Variants in IKBKB observed in about 807,000 individuals in gnomAD.
IKBKB encodes inhibitor of nuclear factor kappa B kinase subunit beta, also known as inhibitor of nuclear factor kappa-B kinase subunit beta.
A neutral mutation model predicts 113.6 loss-of-function variants in IKBKB; 42 were observed. The ratio of observed to expected loss-of-function variants is 0.37; its 90% CI spans 0.29 to 0.48. IKBKB has a LOEUF of 0.48. Among genes scored for constraint, IKBKB ranks in the 20% least tolerant of loss-of-function variants. IKBKB has a pLI of 0.99. For synonymous variants in IKBKB, 296 were observed against 361.3 expected (o/e 0.82, Z 2.05); for missense variants, 673 against 939.7 (o/e 0.72, Z 3.71).
Position 42,288,729 on chromosome 8 carries a change from G to T in IKBKB, c.200+1G>T, listed in dbSNP as rs964018046. 6.2e-7 allele frequency: 1 copy of T among 1,607,690 alleles called. No individual in the cohort carries two copies. Among genetic ancestry groups the T allele is most frequent in the African/African-American group, 1.3e-5 (1 of 74,720 alleles). On this transcript the variant is annotated splice_donor_variant, in intron 3 of 21. Transcript: ENST00000520810. LOFTEE classifies it high-confidence loss of function. ...GCCTGGAGATCCAGATCATGAGAAG[G>T]TGAGGGCCTCGCGCATAGGGACCCA...
chr8:42,309,105 C>T, intron 8 of IKBKB, 80 bp downstream of exon 8: 1 of 1,453,496 alleles, frequency 6.9e-7, no homozygotes, highest in East Asian at 2.3e-5. Flanking sequence ...TCCCTGGCGC[C>T]CCATCACCGG....
chr8:42,272,369 C>T (rs1807964709), intron 2 of IKBKB, 164 bp downstream of exon 2: 3 of 834,904 alleles, frequency 3.6e-6, no homozygotes, highest in Non-Finnish European at 5.8e-6. Context: ...TCTGAGCTGA[C>T]TCCAGGTTAG....
chr8:42,303,261 TA>T, intron 5 of IKBKB, among the ~76,000 whole-genome samples: 1 of 152,326 alleles, frequency 6.6e-6, no homozygotes, highest in African/African-American at 2.4e-5. Flanking sequence ...TTTTAAGTTT[TA>T]AACAAGAAAC....
intron 2 of IKBKB, among the ~76,000 whole-genome samples, chr8:42,283,567 G>A (rs1026076601): frequency 7.9e-5 from 12 of 152,118 alleles, no homozygotes; most frequent in African/African-American, 2.7e-4. Context: ...AAGGGGCTAC[G>A]AGCTGAAGAA....
At chr8:42,329,330 CTTGT>C in intron 21 of IKBKB, 116 bp downstream of exon 21, 3 of 1,369,710 alleles carry the variant, frequency 2.2e-6, no homozygotes, top group Middle Eastern at 2.0e-4. Flanking sequence ...TGTTTGTTTG[CTTGT>C]TTATTTGTGA....
intron 1 of IKBKB, 187 bp from the exon 2 acceptor site, chr8:42,271,896 G>A (rs747838374): frequency 6.3e-6 from 4 of 636,008 alleles, no homozygotes; most frequent in Non-Finnish European, 1.0e-5. Context: ...GGGAGGGTGA[G>A]AGGGACAAAA....
In IKBKB at chr8:42,277,440, C is replaced by T. The variant is rs1809409206; in HGVS notation, c.105+5235C>T. ...TCAAGTGATCTGCCCACCTTGGCCTCCCAAAGTGTTGGGATTACAGGCATG... is the reference window on the plus strand; with the variant it reads ...TCAAGTGATCTGCCCACCTTGGCCTTCCAAAGTGTTGGGATTACAGGCATG... On this transcript the variant is annotated intron_variant, in intron 2 of 21. Transcript: ENST00000520810. Among the ~76,000 whole-genome samples, 3 of 152,118 alleles carry T rather than the reference C, an allele frequency of 2.0e-5. No homozygotes were observed. The South Asian group carries it at 6.2e-4, about 32-fold the overall frequency.
rs534630482 is a variant in IKBKB at position 42,300,499 on chromosome 8, C to T, written c.389-4688C>T. 4.1e-3 allele frequency among the ~76,000 whole-genome samples: 620 copies of T among 152,276 alleles called. 4 individuals carry two copies. The highest frequency in any genetic ancestry group is 0.014 in the African/African-American group (601 of 41,554). ...TGATAGATAGAGATTCATGGACCCA[C>T]CCTTATAAAACTGCTTTCTTCTCGG... is the stretch of plus-strand genomic sequence containing the variant. On this transcript the variant is annotated intron_variant, in intron 5 of 21. Coordinates refer to ENST00000520810, the MANE Select transcript of IKBKB (RefSeq NM_001556.3).
chr8:42,312,128 T>C (rs1162008433), intron 8 of IKBKB, among the ~76,000 whole-genome samples: 2 of 152,168 alleles, frequency 1.3e-5, no homozygotes, highest in African/African-American at 4.8e-5. Flanking sequence ...CCTCGTGAAC[T>C]GCCCGCCTCG....
At chr8:42,327,330 C>CTTTTTTT (rs397767670) in intron 20 of IKBKB, among the ~76,000 whole-genome samples, 2 of 105,422 alleles carry the variant, frequency 1.9e-5, no homozygotes, top group South Asian at 3.5e-4. Flanking sequence ...CTCTCTCTCT[C>CTTTTTTT]TTTTTTTTTT....
At position 42,314,436 on chromosome 8, in the gene IKBKB, C is replaced by CCGCTGTGCCTTACCTGTTA; in HGVS notation, c.800+7_800+8insCGCTGTGCCTTACCTGTTA. On this transcript the variant is annotated splice_region_variant and intron_variant, in intron 9 of 21. Coordinates refer to ENST00000520810, the MANE Select transcript of IKBKB (RefSeq NM_001556.3). ...ACCCCAATAATCTTAACAGGTAAGG[C>CCGCTGTGCCTTACCTGTTA]ACAGCGGCATTACACGAATACATAT... 1 of 1,525,234 alleles carries CCGCTGTGCCTTACCTGTTA rather than the reference C, an allele frequency of 6.6e-7. No homozygotes were observed. Among genetic ancestry groups the CCGCTGTGCCTTACCTGTTA allele is most frequent in the Non-Finnish European group, 9.1e-7 (1 of 1,099,218 alleles). 94.5% of individuals were successfully genotyped at this position (1,525,234 alleles called of 1,614,324 possible).
intron 8 of IKBKB, among the ~76,000 whole-genome samples, chr8:42,311,366 G>C (rs1817656425): frequency 6.6e-6 from 1 of 152,074 alleles, no homozygotes; most frequent in African/African-American, 2.4e-5. Context: ...TTTGAGGCCA[G>C]CCTGGCCAAC....
At position 42,316,849 on chromosome 8, in the gene IKBKB, C is replaced by T; in HGVS notation, c.1070C>T (p.Ala357Val). The T allele has an allele frequency of 1.9e-6, 3 of 1,614,100 alleles. No individual in the cohort carries two copies. Among genetic ancestry groups the T allele is most frequent in the Non-Finnish European group, 2.5e-6 (3 of 1,180,016 alleles). The change falls in exon 11 of 22, where the codon GCG becomes GTG. Residue 357 changes from alanine to valine, a missense_variant. This residue lies in a region of IKBKB where 506 missense variants were observed against 638.7 expected (regional missense o/e 0.79). Transcript: ENST00000520810. This position sits in a 1 kb window ranked among gnomAD's most constrained non-coding sequence, Gnocchi z 4.5. ...PEEDQELLQE[A>V]GLALIPDKPA... ...GAGGACCAGGAGCTGCTGCAGGAAG[C>T]GGGCCTGGCGTTGATCCCCGATAAG... is the stretch of plus-strand genomic sequence containing the variant.
intron 7 of IKBKB, among the ~76,000 whole-genome samples, chr8:42,307,197 G>A (rs1380009937): frequency 6.6e-6 from 1 of 152,188 alleles, no homozygotes; most frequent in African/African-American, 2.4e-5. Context: ...GAAAAGGGCT[G>A]GAGGTGGGGG....
intron 4 of IKBKB, among the ~76,000 whole-genome samples, chr8:42,290,559 C>T (rs546769922): frequency 1.3e-5 from 2 of 152,246 alleles, no homozygotes; most frequent in South Asian, 2.1e-4. Flanking sequence ...CAGGTCTGGG[C>T]GTGGGGAAGG....
At position 42,316,903 on chromosome 8, in the gene IKBKB, A is replaced by G. The variant is rs1585763391; in HGVS notation, c.1124A>G (p.Lys375Arg). Reference sequence around the variant, plus strand: ...GCCACTCAGTGTATTTCAGACGGCAAGGTGAGCCCTGGCTTCGTACACACC... The same window carrying G: ...GCCACTCAGTGTATTTCAGACGGCAGGGTGAGCCCTGGCTTCGTACACACC... Reference protein sequence around the residue: ...KPATQCISDGKLNEGHTLDMD... With the variant: ...KPATQCISDGRLNEGHTLDMD... The change falls in exon 11 of 22, where the codon AAG becomes AGG. Residue 375 changes from lysine to arginine, a missense_variant and splice_region_variant. Physicochemically the swap from Lys to Arg is conservative, Grantham distance 26 (BLOSUM62 2). Coordinates refer to ENST00000520810, the MANE Select transcript of IKBKB (RefSeq NM_001556.3). This position sits in a 1 kb window ranked among gnomAD's most constrained non-coding sequence, Gnocchi z 4.5. The G allele has an allele frequency of 6.2e-7, 1 of 1,614,000 alleles. No homozygotes were observed. Among genetic ancestry groups the G allele is most frequent in the Non-Finnish European group, 8.5e-7 (1 of 1,179,958 alleles).
At chr8:42,294,207 G>T (rs916925422) in intron 5 of IKBKB, among the ~76,000 whole-genome samples, 3 of 152,158 alleles carry the variant, frequency 2.0e-5, no homozygotes, top group Non-Finnish European at 4.4e-5. Flanking sequence ...GATAGTTGGG[G>T]TCTAAGGTTT....
chr8:42,272,113 C>A lies in IKBKB; in HGVS notation c.13C>A (p.Pro5Thr). MSWS[P>T]SLTTQTCGAW... Reference sequence around the variant, plus strand: ...GCACGACATCAGTATGAGCTGGTCACCTTCCCTGACAACGCAGACATGTGG... The same window carrying A: ...GCACGACATCAGTATGAGCTGGTCAACTTCCCTGACAACGCAGACATGTGG... Residue 5 changes from proline to threonine, a missense_variant, in exon 2 of 22, where the codon CCT becomes ACT. Physicochemically the swap from Pro to Thr is conservative, Grantham distance 38. Coordinates refer to ENST00000520810, the MANE Select transcript of IKBKB (RefSeq NM_001556.3). 1.2e-5 allele frequency: 20 copies of A among 1,614,166 alleles called. No individual in the cohort carries two copies. The highest frequency in any genetic ancestry group is 1.7e-5 in the Non-Finnish European group (20 of 1,180,024).
Position 42,330,920 on chromosome 8 carries a change from G to T in IKBKB, c.2212G>T (p.Asp738Tyr). The T allele has an allele frequency of 6.2e-7, 1 of 1,614,216 alleles. No individual in the cohort carries two copies. The highest frequency in any genetic ancestry group is 1.1e-5 in the South Asian group (1 of 91,068). ...CATGTCTGTTGACTTTCAGGCCCTA[G>T]ACTGGAGCTGGTTACAGACGGAAGA... ...REQDQSFTAL[D>Y]WSWLQTEEEE... Residue 738 changes from aspartate (D) to tyrosine (Y), a missense_variant, in exon 22 of 22, where the codon GAC becomes TAC. Physicochemically the swap from Asp to Tyr is radical, Grantham distance 160 (BLOSUM62 -3). Transcript: ENST00000520810.
Sources: gnomAD v4.1 joint callset for allele counts (sites outside exome capture counted in the v4.1 genomes callset) on GRCh38, gnomAD v4.1.1 for gene constraint, gnomAD v4.1.1 regional missense constraint, Gnocchi (gnomAD v3.1) non-coding constraint, MANE v1.5 for transcripts, NCBI Gene and HGNC (gene_info 2026-07-23, HGNC 2026-07-21) for gene names.